The following DACH2 variants were observed in gnomAD, a reference collection of about 807,000 sequenced individuals.
DACH2 encodes dachshund family transcription factor 2, also known as dachshund homolog 2.
In DACH2, 17 loss-of-function variants were observed where a neutral mutation model predicts 35.8. That is an observed-to-expected ratio of 0.48 (90% CI 0.33 to 0.71). DACH2 has a LOEUF of 0.71. Among genes scored for constraint, DACH2 ranks in the 30% least tolerant of loss-of-function variants. The pLI is 0.02. For synonymous variants in DACH2, 195 were observed against 177.3 expected, an observed-to-expected ratio of 1.10 and a Z score of -0.79; for missense variants, 469 against 472.7, an observed-to-expected ratio of 0.99 and a Z score of 0.07.
chrX:86,405,892 A>G (rs1284110191), intron 2 of DACH2, among the ~76,000 whole-genome samples: 1 of 111,590 alleles, frequency 9.0e-6, no homozygotes, highest in African/African-American at 3.3e-5. Flanking sequence ...GGAAACAAAC[A>G]CGTCCTAATT....
intron 1 of DACH2, among the ~76,000 whole-genome samples, chrX:86,202,322 G>T (rs189733227): frequency 1.8e-5 from 2 of 111,400 alleles, no homozygotes; most frequent in Non-Finnish European, 3.8e-5. Flanking sequence ...ACAAATACAA[G>T]AAAGTGCGAT....
intron 1 of DACH2, among the ~76,000 whole-genome samples, chrX:86,203,234 A>G (rs242874): frequency 0.19 from 21,474 of 111,030 alleles, 5,010 homozygotes; most frequent in African/African-American, 0.67. Flanking sequence ...CTTAGTAAAA[A>G]GGCTTACTAT....
At chrX:86,423,964 T>C (rs1031375489) in intron 2 of DACH2, among the ~76,000 whole-genome samples, 1 of 111,110 alleles carries the variant, frequency 9.0e-6, no homozygotes, top group African/African-American at 3.3e-5. Flanking sequence ...TGTATACTGT[T>C]GGCATCTTTG....
At chrX:86,622,320 A>G (rs1213460152) in intron 3 of DACH2, among the ~76,000 whole-genome samples, 3 of 111,934 alleles carry the variant, frequency 2.7e-5, no homozygotes, top group African/African-American at 9.7e-5. Context: ...ACCTTAGTCA[A>G]ACATCTACTA....
intron 11 of DACH2, 96 bp downstream of exon 11, chrX:86,816,195 C>A: frequency 2.2e-6 from 1 of 451,914 alleles, no homozygotes. Context: ...TGTGATGATA[C>A]TCTTCATATA....
At chrX:86,453,285 A>G (rs1298248035) in intron 2 of DACH2, among the ~76,000 whole-genome samples, 4 of 112,052 alleles carry the variant, frequency 3.6e-5, no homozygotes, top group African/African-American at 1.3e-4. Context: ...AGAATACTGT[A>G]TATTTTGCTG....
At position 86,174,862 on chromosome X, in the gene DACH2, G is replaced by A. The variant is rs752253544; in HGVS notation, c.488+25754G>A. Reference sequence around the variant, plus strand: ...CCAGTTAATTATTTTTAATTTTTTTGTGTAGAGAAAGAGGTCTTGCTATTT... The same window carrying A: ...CCAGTTAATTATTTTTAATTTTTTTATGTAGAGAAAGAGGTCTTGCTATTT... On this transcript the variant is annotated intron_variant, in intron 1 of 11. Coordinates refer to ENST00000373125, the MANE Select transcript of DACH2 (RefSeq NM_053281.3). 3.6e-5 allele frequency among the ~76,000 whole-genome samples: 4 copies of A among 110,450 alleles called. No homozygotes were observed. In the Admixed American group the frequency reaches 3.9e-4, roughly 11 times the overall value.
chrX:86,384,380 A>T (rs2036092325), intron 2 of DACH2, among the ~76,000 whole-genome samples: 1 of 111,959 alleles, frequency 8.9e-6, no homozygotes, highest in Non-Finnish European at 1.9e-5. Context: ...TGAAAAGGCA[A>T]GGCATTGTCC....
chrX:86,698,548 T>TTTTA (rs34849144), intron 5 of DACH2, among the ~76,000 whole-genome samples: 1 of 82,979 alleles, frequency 1.2e-5, no homozygotes, highest in East Asian at 4.5e-4. Context: ...TTTTTTTTTT[T>TTTTA]ACAGGGTCTC....
chrX:86,270,697 A>G (rs2147971809), intron 1 of DACH2, among the ~76,000 whole-genome samples: 1 of 111,931 alleles, frequency 8.9e-6, no homozygotes, highest in Non-Finnish European at 1.9e-5. Flanking sequence ...TTCTCTTTTA[A>G]CTTATTTATA....
chrX:86,388,635 A>C (rs2036156034), intron 2 of DACH2, among the ~76,000 whole-genome samples: 1 of 111,958 alleles, frequency 8.9e-6, no homozygotes, highest in Non-Finnish European at 1.9e-5. Context: ...GAAACTGCAA[A>C]AATATTTCAA....
chrX:86,612,796 G>C (rs1205427793), intron 3 of DACH2, among the ~76,000 whole-genome samples: 2 of 112,510 alleles, frequency 1.8e-5, no homozygotes, highest in Non-Finnish European at 3.8e-5. Flanking sequence ...TGATTCTTAT[G>C]AGTGTACTTT....
chrX:86,288,454 G>A (rs1020274151), intron 1 of DACH2, among the ~76,000 whole-genome samples: 3 of 112,185 alleles, frequency 2.7e-5, no homozygotes, highest in Non-Finnish European at 5.6e-5. Flanking sequence ...CTCCAGACCT[G>A]TGTCCTTCCC....
chrX:86,675,839 A>T (rs1203973405), intron 4 of DACH2, among the ~76,000 whole-genome samples: 1 of 111,726 alleles, frequency 9.0e-6, no homozygotes, highest in African/African-American at 3.3e-5. Context: ...TATTGCATTT[A>T]TCAGTCTCTA....
At chrX:86,279,749 T>C (rs2033988398) in intron 1 of DACH2, among the ~76,000 whole-genome samples, 1 of 109,990 alleles carries the variant, frequency 9.1e-6, no homozygotes, top group Non-Finnish European at 1.9e-5. Context: ...TCTAACCCAA[T>C]GCAAGGAAGC....
At chrX:86,272,197 A>AGTGT (rs1322015282) in intron 1 of DACH2, among the ~76,000 whole-genome samples, 36 of 46,677 alleles carry the variant, frequency 7.7e-4, no homozygotes, top group African/African-American at 4.1e-3. Context: ...TATTCCTTTG[A>AGTGT]GAGTGTGTGT....
At chrX:86,151,229 CT>C (rs2030355444) in intron 1 of DACH2, among the ~76,000 whole-genome samples, 1 of 110,312 alleles carries the variant, frequency 9.1e-6, no homozygotes, top group South Asian at 3.7e-4. Context: ...ATCTAATTAG[CT>C]TTTATTTACT....
intron 1 of DACH2, among the ~76,000 whole-genome samples, chrX:86,254,441 T>C (rs1249680554): frequency 9.1e-6 from 1 of 110,368 alleles, no homozygotes; most frequent in Non-Finnish European, 1.9e-5. Flanking sequence ...TGTATGCCCT[T>C]AAGTATTTTG....
chrX:86,313,675 T>C (rs1029448831), intron 1 of DACH2, among the ~76,000 whole-genome samples: 2 of 112,190 alleles, frequency 1.8e-5, no homozygotes, highest in Admixed American at 9.5e-5. Context: ...TACACTATTA[T>C]TTATATCTAT....
Sources: allele counts gnomAD v4.1 joint callset (sites outside exome capture counted in the v4.1 genomes callset), GRCh38; gene constraint gnomAD v4.1.1; transcripts MANE v1.5; gene names NCBI Gene and HGNC (gene_info 2026-07-23, HGNC 2026-07-21).